The following OSBPL8 variants were observed in gnomAD, a reference collection of about 807,000 sequenced individuals.
The protein encoded by OSBPL8 is oxysterol-binding protein-related protein 8.
A neutral mutation model predicts 125.5 loss-of-function variants in OSBPL8; 59 were observed. That is an observed-to-expected ratio of 0.47 (90% confidence interval 0.38 to 0.58). OSBPL8 has a LOEUF of 0.58. Ranked by LOEUF, OSBPL8 falls within the 20% of genes least tolerant of loss-of-function variation. The pLI is 0.00. For synonymous variants in OSBPL8, 330 were observed against 338.9 expected (o/e 0.97, Z 0.29); for missense variants, 758 against 1,047.8 (o/e 0.72, Z 3.82).
intron 15 of OSBPL8, among the ~76,000 whole-genome samples, chr12:76,380,968 T>A (rs1219085680): frequency 6.6e-6 from 1 of 152,216 alleles, no homozygotes; most frequent in Non-Finnish European, 1.5e-5. Context: ...TTTTTCCATA[T>A]CTATCGAAAT....
chr12:76,436,589 T>C (rs548098251), intron 4 of OSBPL8, among the ~76,000 whole-genome samples: 17 of 151,810 alleles, frequency 1.1e-4, no homozygotes, highest in African/African-American at 4.1e-4. Context: ...ATACCATACA[T>C]TGGAAAAACT....
chr12:76,455,583 A>G (rs554345846), intron 3 of OSBPL8, among the ~76,000 whole-genome samples: 1 of 152,228 alleles, frequency 6.6e-6, no homozygotes, highest in Non-Finnish European at 1.5e-5. Context: ...CCGTGAAGTA[A>G]CAAGAATATG....
chr12:76,532,882 C>T (rs1199648047), intron 1 of OSBPL8, among the ~76,000 whole-genome samples: 1 of 152,174 alleles, frequency 6.6e-6, no homozygotes, highest in African/African-American at 2.4e-5. Flanking sequence ...ATCCCTAAAG[C>T]TGTTCAAATG....
At chr12:76,535,112 G>A (rs1382137389) in intron 1 of OSBPL8, among the ~76,000 whole-genome samples, 1 of 151,856 alleles carries the variant, frequency 6.6e-6, no homozygotes, top group Non-Finnish European at 1.5e-5. Context: ...TATAAACCAT[G>A]AAAGAAAACA....
chr12:76,406,150 T>A (rs1954253652), intron 5 of OSBPL8, among the ~76,000 whole-genome samples: 1 of 152,168 alleles, frequency 6.6e-6, no homozygotes, highest in African/African-American at 2.4e-5. Context: ...GCAGGTGCTA[T>A]CAAAAATCTG....
At chr12:76,379,128 T>C (rs1370067074) in intron 15 of OSBPL8, among the ~76,000 whole-genome samples, 1 of 152,200 alleles carries the variant, frequency 6.6e-6, no homozygotes. Flanking sequence ...ACATGTAGAA[T>C]ACTTAATCTT....
intron 15 of OSBPL8, among the ~76,000 whole-genome samples, chr12:76,380,528 CAA>C (rs3038514): frequency 3.4e-5 from 3 of 89,272 alleles, no homozygotes; most frequent in African/African-American, 8.4e-5. Context: ...GACACTGTCC[CAA>C]AAAAAAAAAA....
chr12:76,512,147 CCA>C (rs1881063331), intron 1 of OSBPL8, among the ~76,000 whole-genome samples: 1 of 152,148 alleles, frequency 6.6e-6, no homozygotes, highest in Non-Finnish European at 1.5e-5. Context: ...CAAGTAGACC[CCA>C]GTGTCTGTTG....
chr12:76,525,799 A>T (rs548576824), intron 1 of OSBPL8, among the ~76,000 whole-genome samples: 262 of 152,362 alleles, frequency 1.7e-3, no homozygotes, highest in Non-Finnish European at 3.1e-3. Flanking sequence ...TAAAAAAACA[A>T]AGGGAAAACT....
intron 1 of OSBPL8, among the ~76,000 whole-genome samples, chr12:76,532,529 A>G (rs533917755): frequency 1.2e-4 from 18 of 152,212 alleles, no homozygotes; most frequent in Non-Finnish European, 1.8e-4. Flanking sequence ...ATATTGTATT[A>G]TAAGATTTCT....
At chr12:76,389,558 G>A (rs922912010) in intron 12 of OSBPL8, 87 bp downstream of exon 12, 2 of 1,141,348 alleles carry the variant, frequency 1.8e-6, no homozygotes, top group Non-Finnish European at 2.4e-6. Flanking sequence ...CCTGATTTTG[G>A]AAACAAACGA....
chr12:76,461,704 TG>T (rs1224476097), intron 2 of OSBPL8, among the ~76,000 whole-genome samples: 6 of 152,160 alleles, frequency 3.9e-5, no homozygotes, highest in African/African-American at 1.4e-4. Context: ...CCCAAAGTGC[TG>T]GGATTACAGG....
At chr12:76,437,905 C>T (rs746424216) in intron 4 of OSBPL8, among the ~76,000 whole-genome samples, 3 of 152,036 alleles carry the variant, frequency 2.0e-5, no homozygotes, top group Non-Finnish European at 4.4e-5. Context: ...AAGTAGTGTA[C>T]CTTGAATCAC....
chr12:76,469,567 C>A (rs1875871978), intron 2 of OSBPL8, among the ~76,000 whole-genome samples: 2 of 152,282 alleles, frequency 1.3e-5, no homozygotes, highest in South Asian at 4.1e-4. Flanking sequence ...AACAGATATG[C>A]AAGCTTTACA....
At chr12:76,385,587 A>G (rs73383547) in intron 14 of OSBPL8, among the ~76,000 whole-genome samples, 6,005 of 152,214 alleles carry the variant, frequency 0.039, 361 homozygotes, top group African/African-American at 0.13. Context: ...TGAGAAGGGA[A>G]AAATCACTGG....
intron 5 of OSBPL8, among the ~76,000 whole-genome samples, chr12:76,404,889 G>C (rs4550266): frequency 0.51 from 77,480 of 151,928 alleles, 21,466 homozygotes; most frequent in African/African-American, 0.72. Flanking sequence ...CCCCTAACTT[G>C]CATGTTGTTC....
rs550484211 is a variant in OSBPL8, at chr12:76,437,273, T to C, written c.217+13578A>G. Among the ~76,000 whole-genome samples, 298 of 152,320 alleles carry C rather than the reference T, an allele frequency of 2.0e-3. 1 individual carries two copies. The highest frequency in any genetic ancestry group is 6.8e-3 in the African/African-American group (284 of 41,590). On this transcript the variant is annotated intron_variant, in intron 4 of 23. Coordinates refer to ENST00000261183, the MANE Select transcript of OSBPL8 (RefSeq NM_020841.5). ...TCCATCCGTTGTAAATGGGAATTCA[T>C]ATGGTTTCATATCCTTACTGACACC...
At chr12:76,528,348 A>G (rs1950236127) in intron 1 of OSBPL8, among the ~76,000 whole-genome samples, 1 of 151,544 alleles carries the variant, frequency 6.6e-6, no homozygotes, top group South Asian at 2.1e-4. Context: ...AAAAAAAAAA[A>G]AGTATTATTA....
At chr12:76,515,606 T>C (rs1437984420) in intron 1 of OSBPL8, among the ~76,000 whole-genome samples, 1 of 152,172 alleles carries the variant, frequency 6.6e-6, no homozygotes, top group Non-Finnish European at 1.5e-5. Flanking sequence ...GTGCTGGTTG[T>C]AGATTGCAGC....
Sources: gnomAD v4.1 joint callset for allele counts (sites outside exome capture counted in the v4.1 genomes callset) on GRCh38, gnomAD v4.1.1 for gene constraint, MANE v1.5 for transcripts, NCBI Gene and HGNC (gene_info 2026-07-23, HGNC 2026-07-21) for gene names.